Variants in CSMD1 observed in about 807,000 individuals in gnomAD.
CSMD1 encodes the protein CUB and Sushi multiple domains 1, also known as CUB and sushi domain-containing protein 1.
In CSMD1, 213 loss-of-function variants were observed where a neutral mutation model predicts 417.5. The observed-to-expected ratio is 0.51, with a 90% CI of 0.46 to 0.57. The LOEUF is 0.57. Ranked by LOEUF, CSMD1 falls within the 20% of genes least tolerant of loss-of-function variation. The pLI, the probability that CSMD1 is intolerant of heterozygous loss-of-function variation, is 0.00. For missense variants in CSMD1, 6,923 were observed against 4,529.7 expected, an observed-to-expected ratio of 1.53 and a Z score of -15.17; for synonymous variants, 2,862 against 1,736.8, an observed-to-expected ratio of 1.65 and a Z score of -16.11.
At chr8:4,218,226 G>C (rs887610498) in intron 3 of CSMD1, among the ~76,000 whole-genome samples, 1 of 152,142 alleles carries the variant, frequency 6.6e-6, no homozygotes, top group Non-Finnish European at 1.5e-5. Context: ...TTCATTTTAT[G>C]AGTATCCCAG....
intron 1 of CSMD1, among the ~76,000 whole-genome samples, chr8:4,647,862 T>C (rs1236284727): frequency 6.6e-6 from 1 of 152,226 alleles, no homozygotes. Flanking sequence ...TTGTAAATAG[T>C]ACTGCAGTAG....
intron 10 of CSMD1, among the ~76,000 whole-genome samples, chr8:3,570,369 C>T (rs902240668): frequency 2.6e-5 from 4 of 152,136 alleles, no homozygotes; most frequent in Non-Finnish European, 5.9e-5. Context: ...TCCTTGGCTC[C>T]GTGGCAATTG....
chr8:4,972,826 T>G (rs540863530), intron 1 of CSMD1, among the ~76,000 whole-genome samples: 2 of 152,282 alleles, frequency 1.3e-5, no homozygotes, highest in South Asian at 4.1e-4. Flanking sequence ...CTCTATTTCC[T>G]GAATATTGCC....
chr8:3,915,906 T>C (rs773485617), intron 5 of CSMD1, among the ~76,000 whole-genome samples: 2 of 150,870 alleles, frequency 1.3e-5, no homozygotes, highest in Non-Finnish European at 2.9e-5. Flanking sequence ...ATATAAATTG[T>C]GTGAGTTATC....
chr8:3,502,174 C>G (rs1250971362), intron 10 of CSMD1, among the ~76,000 whole-genome samples: 2 of 151,878 alleles, frequency 1.3e-5, no homozygotes, highest in Non-Finnish European at 2.9e-5. Flanking sequence ...ACCATACTGG[C>G]TAACGTGGTG....
intron 1 of CSMD1, among the ~76,000 whole-genome samples, chr8:4,873,951 C>T (rs187920387): frequency 6.6e-6 from 1 of 152,184 alleles, no homozygotes; most frequent in East Asian, 1.9e-4. Context: ...AAGCAAGGAA[C>T]TATTTCAAGC....
chr8:3,313,823 A>G (rs144761322), intron 23 of CSMD1, among the ~76,000 whole-genome samples: 2,858 of 152,318 alleles, frequency 0.019, 86 homozygotes, highest in African/African-American at 0.064. Context: ...ATGCACACGT[A>G]TGTTTATAGC....
intron 3 of CSMD1, among the ~76,000 whole-genome samples, chr8:4,402,793 CTTTTTTCTTTTT>C (rs1563136602): frequency 2.3e-5 from 3 of 133,244 alleles, no homozygotes; most frequent in Non-Finnish European, 4.7e-5. Context: ...AATGTCCTCA[CTTTTTTCTTTTT>C]TTTTTTTTTT....
At chr8:4,133,347 A>T (rs550959653) in intron 3 of CSMD1, among the ~76,000 whole-genome samples, 31 of 152,364 alleles carry the variant, frequency 2.0e-4, no homozygotes, top group African/African-American at 7.5e-4. Context: ...TCAGCATGGT[A>T]AGCACTTCAC....
At chr8:4,302,592 C>T (rs539357777) in intron 3 of CSMD1, among the ~76,000 whole-genome samples, 23 of 152,204 alleles carry the variant, frequency 1.5e-4, no homozygotes, top group African/African-American at 4.8e-4. Flanking sequence ...GATAATGCAC[C>T]GTAAGGGGAT....
chr8:4,438,060 C>G (rs996442509), intron 2 of CSMD1, among the ~76,000 whole-genome samples: 1 of 152,170 alleles, frequency 6.6e-6, no homozygotes, highest in African/African-American at 2.4e-5. Flanking sequence ...GAAGGAACAG[C>G]CAATATTCAC....
intron 12 of CSMD1, among the ~76,000 whole-genome samples, chr8:3,448,267 G>A (rs945099226): frequency 4.4e-5 from 5 of 112,600 alleles, no homozygotes; most frequent in Non-Finnish European, 9.3e-5. Flanking sequence ...ACCATCCTTG[G>A]ACAAAAGAGG....
intron 5 of CSMD1, among the ~76,000 whole-genome samples, chr8:3,979,328 G>A (rs796658764): frequency 4.2e-4 from 64 of 152,288 alleles, no homozygotes; most frequent in African/African-American, 1.4e-3. Flanking sequence ...CAGGTATCAC[G>A]CTGTTGTGAT....
Position 3,182,117 on chromosome 8 carries a change from A to G in CSMD1, c.5621-903T>C, listed in dbSNP as rs556763958. 7.9e-4 allele frequency among the ~76,000 whole-genome samples: 120 copies of G among 152,370 alleles called. 1 individual carries two copies. The highest frequency in any genetic ancestry group is 5.3e-4 in the Non-Finnish European group (36 of 68,036). The stretch of plus-strand genomic sequence containing the variant: ...AAATTATTCAAGTACTGCTGTATAA[A>G]GGGAGAAATGATAATTTAAATAACA... On this transcript the variant is annotated intron_variant, in intron 36 of 69. Transcript: ENST00000635120.
At chr8:3,920,154 C>A (rs1229433951) in intron 5 of CSMD1, among the ~76,000 whole-genome samples, 2 of 152,050 alleles carry the variant, frequency 1.3e-5, no homozygotes, top group East Asian at 3.9e-4. Flanking sequence ...CTGCCTTAGT[C>A]TTCTGAGAAG....
intron 3 of CSMD1, among the ~76,000 whole-genome samples, chr8:4,207,745 A>T (rs1177651263): frequency 6.6e-6 from 1 of 152,052 alleles, no homozygotes; most frequent in Non-Finnish European, 1.5e-5. Context: ...TAGATACTGT[A>T]ACATTTCGAT....
At chr8:4,728,010 AATAT>A (rs537525671) in intron 1 of CSMD1, among the ~76,000 whole-genome samples, 12 of 145,952 alleles carry the variant, frequency 8.2e-5, no homozygotes, top group Non-Finnish European at 1.4e-4. Flanking sequence ...TTATATACAA[AATAT>A]ATATATATTT....
chr8:3,824,566 G>A lies in CSMD1; in HGVS notation c.819-70524C>T, dbSNP rs534104909. The stretch of plus-strand genomic sequence containing the variant: ...AACATGCACTGCAAGGGCAAAATAC[G>A]GAATGCATTTCTGTGACTTCACAGG... On this transcript the variant is annotated intron_variant, in intron 5 of 69. Coordinates refer to ENST00000635120, the MANE Select transcript of CSMD1 (RefSeq NM_033225.6). Among the ~76,000 whole-genome samples, 301 of 152,230 alleles carry A rather than the reference G, an allele frequency of 2.0e-3. 2 individuals carry two copies. Among genetic ancestry groups the A allele is most frequent in the African/African-American group, 6.8e-3 (283 of 41,526 alleles).
At chr8:4,709,067 C>T (rs1376802712) in intron 1 of CSMD1, among the ~76,000 whole-genome samples, 1 of 152,142 alleles carries the variant, frequency 6.6e-6, no homozygotes, top group Non-Finnish European at 1.5e-5. Flanking sequence ...TATGGGAGCC[C>T]TAGCAAAGTA....
Sources: allele counts gnomAD v4.1 joint callset (sites outside exome capture counted in the v4.1 genomes callset), GRCh38; gene constraint gnomAD v4.1.1; transcripts MANE v1.5; gene names NCBI Gene and HGNC (gene_info 2026-07-23, HGNC 2026-07-21).